VAPA: variants seen among roughly 807,000 people sequenced by gnomAD.
VAPA encodes VAMP associated protein A, also known as vesicle-associated membrane protein-associated protein A.
Under a neutral mutation model 25.6 loss-of-function variants are expected in VAPA, and 6 were observed. The observed-to-expected ratio is 0.23, with a 90% CI of 0.13 to 0.46. VAPA has a LOEUF of 0.46. VAPA is among the 20% of genes least tolerant of loss of function. The pLI, the probability that VAPA is intolerant of heterozygous loss-of-function variation, is 0.99. For synonymous variants in VAPA, 112 were observed against 106.2 expected, an observed-to-expected ratio of 1.05 and a Z score of -0.34; for missense variants, 244 against 302.1, an observed-to-expected ratio of 0.81 and a Z score of 1.43.
intron 4 of VAPA, among the ~76,000 whole-genome samples, 170 bp downstream of exon 4, chr18:9,937,236 T>TTTA (rs398031971): frequency 6.6e-6 from 1 of 150,796 alleles, no homozygotes; most frequent in African/African-American, 2.4e-5. Context: ...TTTTTTTTTT[T>TTTA]AAAGTAACAT....
intron 1 of VAPA, 41 bp downstream of exon 1, chr18:9,914,376 C>T (rs1424584018): frequency 2.0e-6 from 3 of 1,527,808 alleles, no homozygotes; most frequent in Admixed American, 2.1e-5. Context: ...GTGGGGCGCG[C>T]GGACCGCTGG....
intron 1 of VAPA, among the ~76,000 whole-genome samples, chr18:9,918,926 T>A (rs1001189927): frequency 1.3e-5 from 2 of 152,218 alleles, no homozygotes; most frequent in South Asian, 4.1e-4. Flanking sequence ...AGATGGGGTC[T>A]TGCTCAGTTG....
At position 9,959,721 on chromosome 18, in the gene VAPA, C is replaced by CA. The variant is rs869151923; in HGVS notation, c.*5536dup. 9,773 of 93,246 alleles carry CA rather than the reference C, an allele frequency of 0.1. 1,032 individuals carry two copies. The highest frequency in any genetic ancestry group is 0.17 in the African/African-American group (3,762 of 22,700). The allele number at this position is 93,246 out of a possible 1,614,324, so 5.8% of individuals were successfully genotyped here. ...AGAGAGTGAGTTACTGACATTGTTC[C>CA]AAAAAAAAAAAAAAAAAAAAAAAAA... On this transcript the variant is annotated 3_prime_UTR_variant, in exon 6 of 6. Transcript: ENST00000400000.
Position 9,914,178 on chromosome 18 carries a change from G to A in VAPA, c.-79G>A. ...TGGCCTCGTCCTAGAGCTCGGCCGAGCCGTCGCCGCCGTCGTCCCCCGCCC... is the reference window on the plus strand; with the variant it reads ...TGGCCTCGTCCTAGAGCTCGGCCGAACCGTCGCCGCCGTCGTCCCCCGCCC... On this transcript the variant is annotated 5_prime_UTR_variant, in exon 1 of 6. Transcript: ENST00000400000. The A allele has an allele frequency of 7.5e-7, 1 of 1,327,418 alleles. No homozygotes were observed. 82.2% of individuals were successfully genotyped at this position (1,327,418 alleles called of 1,614,324 possible).
chr18:9,952,894 A>G (rs543482678), intron 5 of VAPA, among the ~76,000 whole-genome samples: 1 of 152,316 alleles, frequency 6.6e-6, no homozygotes, highest in African/African-American at 2.4e-5. Context: ...GACCAAAAAA[A>G]CCCAACTCCA....
intron 5 of VAPA, among the ~76,000 whole-genome samples, chr18:9,952,654 G>T (rs1354831717): frequency 6.6e-5 from 10 of 151,494 alleles, no homozygotes; most frequent in African/African-American, 1.2e-4. Context: ...TTTTTGCCAG[G>T]TTCACTTTCT....
intron 5 of VAPA, among the ~76,000 whole-genome samples, chr18:9,952,775 G>GC (rs2069503952): frequency 6.6e-6 from 1 of 152,064 alleles, no homozygotes; most frequent in Non-Finnish European, 1.5e-5. Context: ...GACCAGGCTT[G>GC]CCCCAGACCT....
At position 9,958,251 on chromosome 18, in the gene VAPA, C is replaced by T. The variant is rs2069570808; in HGVS notation, c.*4040C>T. 2 of 152,044 alleles carry T rather than the reference C, an allele frequency of 1.3e-5. No homozygotes were observed. Among genetic ancestry groups the T allele is most frequent in the African/African-American group, 4.8e-5 (2 of 41,374 alleles). 9.4% of individuals were successfully genotyped at this position (152,044 alleles called of 1,614,324 possible). A position where few individuals can be genotyped will look rare whatever the true frequency, so the allele number is the denominator to read the frequency against. ...TATAAATGTGACTAAAAGCATTTTG[C>T]TTTGTTTTTATAGTTAACTTTCTTA... On this transcript the variant is annotated 3_prime_UTR_variant, in exon 6 of 6. Transcript: ENST00000400000.
At chr18:9,915,439 T>G (rs1352506616) in intron 1 of VAPA, among the ~76,000 whole-genome samples, 1 of 152,164 alleles carries the variant, frequency 6.6e-6, no homozygotes, top group Non-Finnish European at 1.5e-5. Context: ...GTACAGATTT[T>G]TATTTTTTTT....
intron 1 of VAPA, among the ~76,000 whole-genome samples, chr18:9,925,516 A>G (rs1437060187): frequency 1.3e-5 from 2 of 152,136 alleles, no homozygotes; most frequent in African/African-American, 2.4e-5. Context: ...TTGTACAAAA[A>G]TATTTATACA....
At chr18:9,946,403 A>G (rs553904729) in intron 4 of VAPA, among the ~76,000 whole-genome samples, 1 of 152,086 alleles carries the variant, frequency 6.6e-6, no homozygotes, top group African/African-American at 2.4e-5. Context: ...CACGTGGCCC[A>G]TGATGGCTTT....
chr18:9,943,591 G>A (rs1221868749), intron 4 of VAPA, among the ~76,000 whole-genome samples: 2 of 152,110 alleles, frequency 1.3e-5, no homozygotes, highest in Non-Finnish European at 2.9e-5. Flanking sequence ...GTACAAAATA[G>A]GGTTCTTTGA....
At chr18:9,934,275 A>G (rs1483264900) in intron 2 of VAPA, among the ~76,000 whole-genome samples, 2 of 152,096 alleles carry the variant, frequency 1.3e-5, no homozygotes, top group Non-Finnish European at 2.9e-5. Context: ...ATTTTTATAT[A>G]TGTTTTCAAG....
rs1274342521 is a variant in VAPA, at chr18:9,958,576, G to T, written c.*4365G>T. On this transcript the variant is annotated 3_prime_UTR_variant, in exon 6 of 6. Coordinates refer to ENST00000400000, the MANE Select transcript of VAPA (RefSeq NM_194434.3). The stretch of plus-strand genomic sequence containing the variant: ...GAGATACTGACCTAATTGGTCTGGG[G>T]TGGAGATCTGGCATGGTAGTTTTTT... 1 of 151,898 alleles carries T rather than the reference G, an allele frequency of 6.6e-6. No individual in the cohort carries two copies. Among genetic ancestry groups the T allele is most frequent in the African/African-American group, 2.4e-5 (1 of 41,398 alleles). The allele number at this position is 151,898 out of a possible 1,614,324, so 9.4% of individuals were successfully genotyped here.
At chr18:9,927,343 G>C (rs2069209108) in intron 1 of VAPA, among the ~76,000 whole-genome samples, 1 of 152,086 alleles carries the variant, frequency 6.6e-6, no homozygotes, top group African/African-American at 2.4e-5. Context: ...AAAGCTAGCT[G>C]TTCCCCTCCT....
chr18:9,953,386 G>T (rs150242074), intron 5 of VAPA, among the ~76,000 whole-genome samples: 1 of 152,320 alleles, frequency 6.6e-6, no homozygotes, highest in East Asian at 1.9e-4. Context: ...CTGCTTTGCA[G>T]TCGAGACCTG....
chr18:9,936,011 C>T, intron 2 of VAPA, 99 bp from the exon 3 acceptor site: 1 of 803,956 alleles, frequency 1.2e-6, no homozygotes, highest in Non-Finnish European at 1.8e-6. Context: ...CGGTTTAAGG[C>T]AAATCCCAGA....
intron 1 of VAPA, among the ~76,000 whole-genome samples, chr18:9,922,337 G>A (rs1235403431): frequency 1.3e-5 from 2 of 152,030 alleles, no homozygotes; most frequent in African/African-American, 2.4e-5. Context: ...ACTTGAGTTT[G>A]CATTTATAAC....
In VAPA at chr18:9,956,431, A is replaced by G. The variant is rs2069551473; in HGVS notation, c.*2220A>G. 1 of 151,502 alleles carries G rather than the reference A, an allele frequency of 6.6e-6. No homozygotes were observed. Among genetic ancestry groups the G allele is most frequent in the Admixed American group, 6.6e-5 (1 of 15,246 alleles). The allele number at this position is 151,502 out of a possible 1,614,324, so 9.4% of individuals were successfully genotyped here. A position where few individuals can be genotyped will look rare whatever the true frequency, so the allele number is the denominator to read the frequency against. ...GGCTAGAAATGCCTCCCACATTGGT[A>G]ATAAACATTACAAAATACAATGTAT... On this transcript the variant is annotated 3_prime_UTR_variant, in exon 6 of 6. Transcript: ENST00000400000.
Sources: allele counts gnomAD v4.1 joint callset (sites outside exome capture counted in the v4.1 genomes callset), GRCh38; gene constraint gnomAD v4.1.1; transcripts MANE v1.5; gene names NCBI Gene and HGNC (gene_info 2026-07-23, HGNC 2026-07-21).